Variants in TNIK observed in about 807,000 individuals in gnomAD.
TNIK encodes TRAF2 and NCK-interacting protein kinase.
In TNIK, 49 loss-of-function variants were observed where a neutral mutation model predicts 191.3. The observed-to-expected ratio is 0.26, with a 90% CI of 0.20 to 0.32. TNIK has a LOEUF of 0.32. Ranked by LOEUF, TNIK falls within the 10% of genes least tolerant of loss-of-function variation. The pLI is 1.00. For missense variants in TNIK, 1,155 were observed against 1,702.3 expected (o/e 0.68, Z 5.66); for synonymous variants, 594 against 600.9 (o/e 0.99, Z 0.17).
At chr3:171,315,810 CCAGT>C (rs1327701625) in intron 2 of TNIK, among the ~76,000 whole-genome samples, 6 of 152,264 alleles carry the variant, frequency 3.9e-5, no homozygotes, top group African/African-American at 1.4e-4. Context: ...TTATTGAACA[CCAGT>C]CAAACTGGAT....
intron 26 of TNIK, among the ~76,000 whole-genome samples, chr3:171,083,817 A>G (rs1369842978): frequency 6.6e-6 from 1 of 152,186 alleles, no homozygotes; most frequent in Non-Finnish European, 1.5e-5. Flanking sequence ...TGCCAGACAC[A>G]AATCGCCTCT....
intron 2 of TNIK, among the ~76,000 whole-genome samples, chr3:171,338,983 A>G (rs1445827284): frequency 1.3e-5 from 2 of 152,086 alleles, no homozygotes; most frequent in Non-Finnish European, 2.9e-5. Flanking sequence ...AATTAGTATT[A>G]TTTTCTGTCT....
At chr3:171,241,911 G>A (rs1016359499) in intron 2 of TNIK, among the ~76,000 whole-genome samples, 3 of 151,736 alleles carry the variant, frequency 2.0e-5, no homozygotes, top group Non-Finnish European at 4.4e-5. Context: ...GCAAGCTATT[G>A]CAAGGACAAA....
chr3:171,142,730 C>T (rs1449379673), intron 12 of TNIK, among the ~76,000 whole-genome samples: 1 of 152,112 alleles, frequency 6.6e-6, no homozygotes, highest in African/African-American at 2.4e-5. Flanking sequence ...GGATTACAGA[C>T]CCAAAACAGA....
At chr3:171,416,017 G>GAAGAAA (rs1403556044) in intron 1 of TNIK, among the ~76,000 whole-genome samples, 22 of 131,934 alleles carry the variant, frequency 1.7e-4, no homozygotes, top group African/African-American at 6.2e-4. Context: ...AGAAAGAAAG[G>GAAGAAA]AAGAAAAAGA....
At chr3:171,259,058 A>C (rs1747258240) in intron 2 of TNIK, among the ~76,000 whole-genome samples, 1 of 152,176 alleles carries the variant, frequency 6.6e-6, no homozygotes, top group Non-Finnish European at 1.5e-5. Context: ...TCCTGTGCAC[A>C]GCTTACATCC....
At chr3:171,151,407 C>A (rs1403717312) in intron 12 of TNIK, among the ~76,000 whole-genome samples, 1 of 152,184 alleles carries the variant, frequency 6.6e-6, no homozygotes, top group Admixed American at 6.5e-5. Flanking sequence ...TAAAGGAGTT[C>A]AAACTTTGGA....
rs1430948728 is a variant in TNIK at position 171,058,834 on chromosome 3, A to G, written c.*5047T>C. ...AGCTAAAACGTTCAAAAATAGTTTTACAACATTCAATTTTAAAATTTCATT... is the reference window on the plus strand; with the variant it reads ...AGCTAAAACGTTCAAAAATAGTTTTGCAACATTCAATTTTAAAATTTCATT... On this transcript the variant is annotated 3_prime_UTR_variant, in exon 33 of 33. Transcript: ENST00000436636. Among the ~76,000 whole-genome samples, 6 of 152,360 alleles carry G rather than the reference A, an allele frequency of 3.9e-5. No homozygotes were observed. Among genetic ancestry groups the G allele is most frequent in the Middle Eastern group, 3.4e-3 (1 of 294 alleles).
chr3:171,405,256 G>A (rs1721509043), intron 1 of TNIK, among the ~76,000 whole-genome samples: 1 of 152,116 alleles, frequency 6.6e-6, no homozygotes, highest in Non-Finnish European at 1.5e-5. Context: ...AGAAAAACTG[G>A]CAGGTGGATT....
chr3:171,438,829 G>T (rs1342807962), intron 1 of TNIK, among the ~76,000 whole-genome samples: 3 of 152,074 alleles, frequency 2.0e-5, no homozygotes, highest in Admixed American at 2.0e-4. Context: ...CACCACTTGT[G>T]GTGGGATCAG....
intron 2 of TNIK, among the ~76,000 whole-genome samples, chr3:171,309,753 C>T (rs898180753): frequency 6.6e-6 from 1 of 152,116 alleles, no homozygotes; most frequent in African/African-American, 2.4e-5. Context: ...CAAAATATTA[C>T]TAAATAATAA....
intron 12 of TNIK, among the ~76,000 whole-genome samples, chr3:171,147,108 C>T (rs1050648941): frequency 2.6e-5 from 4 of 152,098 alleles, no homozygotes; most frequent in Admixed American, 2.0e-4. Context: ...TGGAGAGCTC[C>T]TGTTGCTTTT....
chr3:171,388,565 C>T (rs1719042459), intron 1 of TNIK, among the ~76,000 whole-genome samples: 2 of 152,144 alleles, frequency 1.3e-5, no homozygotes, highest in African/African-American at 4.8e-5. Context: ...ACTGTGTCTC[C>T]CACAAAGGGT....
intron 2 of TNIK, among the ~76,000 whole-genome samples, chr3:171,235,730 TTTGTTG>T (rs201913677): frequency 1.3e-5 from 2 of 150,806 alleles, no homozygotes; most frequent in African/African-American, 2.4e-5. Flanking sequence ...ACCATATGTT[TTTGTTG>T]TTGTTGTTGT....
intron 1 of TNIK, among the ~76,000 whole-genome samples, chr3:171,422,079 A>G (rs1423685566): frequency 3.9e-5 from 6 of 152,130 alleles, no homozygotes; most frequent in African/African-American, 1.4e-4. Flanking sequence ...GTAAATAAAG[A>G]CAACAAATAA....
intron 28 of TNIK, among the ~76,000 whole-genome samples, chr3:171,077,810 T>C (rs919417729): frequency 2.0e-5 from 3 of 151,046 alleles, no homozygotes; most frequent in Non-Finnish European, 3.0e-5. Flanking sequence ...TATATACATA[T>C]GTATGTGTAT....
chr3:171,161,198 A>G (rs1471002675), intron 11 of TNIK, 72 bp downstream of exon 11: 2 of 1,515,962 alleles, frequency 1.3e-6, no homozygotes, highest in African/African-American at 2.8e-5. Flanking sequence ...CTATAAATCA[A>G]AAGGAAAGTG....
At chr3:171,317,182 G>A (rs1229367567) in intron 2 of TNIK, among the ~76,000 whole-genome samples, 1 of 152,062 alleles carries the variant, frequency 6.6e-6, no homozygotes, top group African/African-American at 2.4e-5. Context: ...ACTTTCACCT[G>A]TAACAAAGCA....
At chr3:171,358,882 C>T (rs1408166521) in intron 2 of TNIK, among the ~76,000 whole-genome samples, 1 of 152,104 alleles carries the variant, frequency 6.6e-6, no homozygotes, top group African/African-American at 2.4e-5. Context: ...AGGAAACCAC[C>T]ACCTCTATAA....
Sources: gnomAD v4.1 joint callset for allele counts (sites outside exome capture counted in the v4.1 genomes callset) on GRCh38, gnomAD v4.1.1 for gene constraint, MANE v1.5 for transcripts, NCBI Gene and HGNC (gene_info 2026-07-23, HGNC 2026-07-21) for gene names.